Variants in LGR4 observed in about 807,000 individuals in gnomAD.
The protein encoded by LGR4 is leucine-rich repeat-containing G protein-coupled receptor 4.
A neutral mutation model predicts 84.8 loss-of-function variants in LGR4; 44 were observed. The ratio of observed to expected loss-of-function variants is 0.52; its 90% CI spans 0.41 to 0.67. The LOEUF is 0.67. LGR4 is among the 30% of genes least tolerant of loss of function. LGR4 has a pLI of 0.00. For missense variants in LGR4, 1,032 were observed against 1,131.4 expected, an observed-to-expected ratio of 0.91 and a Z score of 1.26; for synonymous variants, 429 against 434.3, an observed-to-expected ratio of 0.99 and a Z score of 0.15.
chr11:27,424,705 A>G (rs527406811), intron 1 of LGR4, among the ~76,000 whole-genome samples: 161 of 152,268 alleles, frequency 1.1e-3, no homozygotes, highest in African/African-American at 3.7e-3. Context: ...CTAAACTAGC[A>G]ACCCGACCTG....
At chr11:27,440,593 T>C (rs1038742261) in intron 1 of LGR4, among the ~76,000 whole-genome samples, 1 of 152,146 alleles carries the variant, frequency 6.6e-6, no homozygotes, top group African/African-American at 2.4e-5. Context: ...TGTGGGACAG[T>C]AGTAGGTCCA....
intron 1 of LGR4, among the ~76,000 whole-genome samples, chr11:27,428,863 T>C (rs1016044727): frequency 1.3e-5 from 2 of 152,330 alleles, no homozygotes; most frequent in Non-Finnish European, 1.5e-5. Context: ...TACAGGCATG[T>C]ACCACTGTGT....
intron 1 of LGR4, among the ~76,000 whole-genome samples, chr11:27,450,209 C>A (rs547984942): frequency 6.6e-6 from 1 of 152,126 alleles, no homozygotes; most frequent in Non-Finnish European, 1.5e-5. Flanking sequence ...GGCAATAGGG[C>A]CTTAAGACTA....
chr11:27,428,139 C>CTTTTTTTTTT (rs1047115952), intron 1 of LGR4, among the ~76,000 whole-genome samples: 1 of 145,462 alleles, frequency 6.9e-6, no homozygotes. Context: ...ATCTTGCATT[C>CTTTTTTTTTT]TTTTTTTTTT....
At chr11:27,435,155 T>C (rs1193398931) in intron 1 of LGR4, among the ~76,000 whole-genome samples, 2 of 151,854 alleles carry the variant, frequency 1.3e-5, no homozygotes, top group African/African-American at 4.8e-5. Context: ...GCCAATATGG[T>C]GAAAACCCAT....
At chr11:27,453,683 TCAGA>T (rs1026284869) in intron 1 of LGR4, among the ~76,000 whole-genome samples, 1 of 152,158 alleles carries the variant, frequency 6.6e-6, no homozygotes, top group Non-Finnish European at 1.5e-5. Flanking sequence ...CCCTAACACA[TCAGA>T]CACTTAATAA....
intron 1 of LGR4, among the ~76,000 whole-genome samples, chr11:27,435,079 T>C (rs1037354420): frequency 1.3e-5 from 2 of 152,154 alleles, no homozygotes; most frequent in Non-Finnish European, 2.9e-5. Flanking sequence ...CTCATGGCTG[T>C]AATCCTAGCA....
At chr11:27,406,346 C>T (rs1329481882) in intron 2 of LGR4, among the ~76,000 whole-genome samples, 3 of 152,084 alleles carry the variant, frequency 2.0e-5, no homozygotes, top group Non-Finnish European at 4.4e-5. Flanking sequence ...CTAGCAAGTC[C>T]TTCCTCACCC....
chr11:27,409,279 A>C (rs895062738), intron 2 of LGR4, among the ~76,000 whole-genome samples: 1 of 151,988 alleles, frequency 6.6e-6, no homozygotes, highest in Non-Finnish European at 1.5e-5. Flanking sequence ...TCCAGAAAGA[A>C]CTGGGCTCTA....
intron 1 of LGR4, among the ~76,000 whole-genome samples, chr11:27,436,989 T>C (rs982350012): frequency 6.6e-6 from 1 of 152,158 alleles, no homozygotes; most frequent in African/African-American, 2.4e-5. Flanking sequence ...GTCTGTTTGG[T>C]TACTAACTAG....
At chr11:27,412,434 T>C (rs1219605027) in intron 2 of LGR4, among the ~76,000 whole-genome samples, 1 of 152,122 alleles carries the variant, frequency 6.6e-6, no homozygotes, top group Non-Finnish European at 1.5e-5. Flanking sequence ...CTGTTACCCA[T>C]ATAGCAACTC....
At chr11:27,409,229 A>G (rs1863666668) in intron 2 of LGR4, among the ~76,000 whole-genome samples, 1 of 152,066 alleles carries the variant, frequency 6.6e-6, no homozygotes, top group South Asian at 2.1e-4. Flanking sequence ...ACTGGGCTCT[A>G]GGGGCCTGAC....
intron 1 of LGR4, among the ~76,000 whole-genome samples, chr11:27,464,348 G>A (rs1229880786): frequency 6.6e-6 from 1 of 152,124 alleles, no homozygotes; most frequent in Non-Finnish European, 1.5e-5. Context: ...AGGGAAATGG[G>A]AGAAACCAGG....
chr11:27,472,236 C>T lies in LGR4; in HGVS notation c.67G>A (p.Gly23Ser), dbSNP rs1470401898. Residue 23 changes from glycine (G) to serine (S), a missense_variant, in exon 1 of 18, where the codon GGC becomes AGC. Physicochemically the swap from Gly to Ser is moderately conservative, Grantham distance 56. Coordinates refer to ENST00000379214, the MANE Select transcript of LGR4 (RefSeq NM_018490.5). ...GCCGCGCAGAGAGGCGGCGCCGCGCCGCTGGGCCCGGCCGAGCCGAGCAGC... is the reference window on the plus strand; with the variant it reads ...GCCGCGCAGAGAGGCGGCGCCGCGCTGCTGGGCCCGGCCGAGCCGAGCAGC... ...LGLLGSAGPS[G>S]AAPPLCAAPC... 1.3e-5 allele frequency: 18 copies of T among 1,343,334 alleles called. No homozygotes were observed. Among genetic ancestry groups the T allele is most frequent in the Non-Finnish European group, 1.7e-5 (18 of 1,050,812 alleles). The allele number at this position is 1,343,334 out of a possible 1,614,324, so 83.2% of individuals were successfully genotyped here. A position where few individuals can be genotyped will look rare whatever the true frequency, so the allele number is the denominator to read the frequency against.
chr11:27,424,842 G>A (rs1398248274), intron 1 of LGR4, among the ~76,000 whole-genome samples: 2 of 152,114 alleles, frequency 1.3e-5, no homozygotes, highest in Non-Finnish European at 2.9e-5. Context: ...TCTGCCTCCC[G>A]GTTCAGGCAA....
chr11:27,402,034 T>C (rs1473004679), intron 2 of LGR4, among the ~76,000 whole-genome samples: 1 of 152,148 alleles, frequency 6.6e-6, no homozygotes, highest in East Asian at 1.9e-4. Flanking sequence ...AAAATGTGAA[T>C]ATAGAGAGGT....
At chr11:27,416,845 T>A (rs1456552507) in intron 1 of LGR4, among the ~76,000 whole-genome samples, 1 of 152,192 alleles carries the variant, frequency 6.6e-6, no homozygotes, top group Non-Finnish European at 1.5e-5. Flanking sequence ...ATCTCTCCAG[T>A]GGTTAAACTC....
intron 2 of LGR4, among the ~76,000 whole-genome samples, chr11:27,406,885 A>G (rs1264193625): frequency 6.6e-6 from 1 of 152,198 alleles, no homozygotes; most frequent in Non-Finnish European, 1.5e-5. Context: ...GCATCAAGGG[A>G]GTAAACGTTA....
intron 6 of LGR4, among the ~76,000 whole-genome samples, chr11:27,382,846 A>G (rs755845473): frequency 6.6e-6 from 1 of 151,992 alleles, no homozygotes; most frequent in Non-Finnish European, 1.5e-5. Context: ...GTGAAAACCC[A>G]TCTCTACTAA....
Sources: gnomAD v4.1 joint callset for allele counts (sites outside exome capture counted in the v4.1 genomes callset) on GRCh38, gnomAD v4.1.1 for gene constraint, MANE v1.5 for transcripts, NCBI Gene and HGNC (gene_info 2026-07-23, HGNC 2026-07-21) for gene names.